Variants in CBL observed in about 807,000 individuals in gnomAD.
CBL encodes the protein E3 ubiquitin-protein ligase CBL.
Under a neutral mutation model 96.9 loss-of-function variants are expected in CBL, and 45 were observed. That is an observed-to-expected ratio of 0.46 (90% CI 0.37 to 0.60). The LOEUF (loss-of-function observed/expected upper bound fraction) is 0.60, where lower values mean the gene tolerates loss of function less well. Among genes scored for constraint, CBL ranks in the 20% least tolerant of loss-of-function variants. The pLI is 0.00. For synonymous variants in CBL, 420 were observed against 426.8 expected (o/e 0.98, Z 0.20); for missense variants, 1,024 against 1,143.5 (o/e 0.90, Z 1.51).
chr11:119,209,521 G>T (rs1949300387), intron 1 of CBL, among the ~76,000 whole-genome samples: 1 of 152,022 alleles, frequency 6.6e-6, no homozygotes, highest in Non-Finnish European at 1.5e-5. Flanking sequence ...TGGGAGACTG[G>T]GACAGGAGAA....
intron 2 of CBL, among the ~76,000 whole-genome samples, chr11:119,244,581 A>ATTATTTTTTTTTTTTTTT (rs1949610902): frequency 9.6e-6 from 1 of 104,404 alleles, no homozygotes; most frequent in East Asian, 3.4e-4. Context: ...TGCCCGGCTA[A>ATTATTTTTTTTTTTTTTT]TTTTTTTTTT....
chr11:119,213,226 A>G (rs1565853742), intron 1 of CBL, among the ~76,000 whole-genome samples: 1 of 152,112 alleles, frequency 6.6e-6, no homozygotes, highest in Non-Finnish European at 1.5e-5. Context: ...AACTTCCTGT[A>G]TTTTGGAAGT....
In CBL at chr11:119,306,648, T is replaced by G. The variant is rs1301793289; in HGVS notation, c.*6867T>G. 6.2e-6 allele frequency: 2 copies of G among 322,676 alleles called. No homozygotes were observed. The highest frequency in any genetic ancestry group is 1.1e-5 in the Non-Finnish European group (2 of 177,180). 20.0% of individuals were successfully genotyped at this position (322,676 alleles called of 1,614,324 possible). On this transcript the variant is annotated 3_prime_UTR_variant, in exon 16 of 16. Coordinates refer to ENST00000264033, the MANE Select transcript of CBL (RefSeq NM_005188.4). ...TAAAACTGGAGAGGCAGAGAACTAC[T>G]TATGAGTCTGTAGACCACGTGTTGT...
chr11:119,207,535 C>G (rs1271387711), intron 1 of CBL, among the ~76,000 whole-genome samples: 1 of 152,134 alleles, frequency 6.6e-6, no homozygotes, highest in Admixed American at 6.5e-5. Flanking sequence ...CAAGTGCGAA[C>G]AAAAATAACT....
chr11:119,250,621 A>G (rs535716680), intron 2 of CBL, among the ~76,000 whole-genome samples: 83 of 152,190 alleles, frequency 5.5e-4, no homozygotes, highest in African/African-American at 1.9e-3. Flanking sequence ...TTCCTTTTTC[A>G]GGGGGTCCCT....
chr11:119,239,165 T>G (rs1949566800), intron 2 of CBL, among the ~76,000 whole-genome samples: 1 of 152,064 alleles, frequency 6.6e-6, no homozygotes, highest in Non-Finnish European at 1.5e-5. Context: ...GACACGAGGT[T>G]TCGTCGTGTT....
At chr11:119,225,526 G>A (rs1311272533) in intron 1 of CBL, among the ~76,000 whole-genome samples, 1 of 151,982 alleles carries the variant, frequency 6.6e-6, no homozygotes, top group Non-Finnish European at 1.5e-5. Context: ...AGCATCCCAA[G>A]TAGTTGGGAC....
At chr11:119,233,289 C>T (rs768158823) in intron 2 of CBL, among the ~76,000 whole-genome samples, 20 of 152,040 alleles carry the variant, frequency 1.3e-4, no homozygotes, top group Non-Finnish European at 2.2e-4. Context: ...CTGGCTCTGT[C>T]GCCCAGGCTG....
chr11:119,269,222 T>TC (rs991928070), intron 2 of CBL, among the ~76,000 whole-genome samples: 9 of 151,118 alleles, frequency 6.0e-5, no homozygotes, highest in African/African-American at 2.2e-4. Flanking sequence ...AAACAGTTAA[T>TC]GGACTTTAAA....
chr11:119,224,536 A>G (rs2135259858), intron 1 of CBL, among the ~76,000 whole-genome samples: 2 of 152,340 alleles, frequency 1.3e-5, no homozygotes, highest in South Asian at 4.1e-4. Flanking sequence ...ACATACATGT[A>G]TTATATCATG....
intron 1 of CBL, among the ~76,000 whole-genome samples, chr11:119,227,071 G>C (rs1014942275): frequency 3.3e-5 from 5 of 152,160 alleles, no homozygotes; most frequent in Non-Finnish European, 5.9e-5. Context: ...CTTTATGATG[G>C]TGCAAAAGTG....
intron 2 of CBL, among the ~76,000 whole-genome samples, chr11:119,260,939 CTTTTTTTT>C (rs35248070): frequency 1.1e-5 from 1 of 89,920 alleles, no homozygotes; most frequent in Admixed American, 1.2e-4. Context: ...TAAATCTCTA[CTTTTTTTT>C]TTTTTTTTTT....
chr11:119,288,533 C>T (rs1368298399), intron 12 of CBL, among the ~76,000 whole-genome samples: 2 of 152,136 alleles, frequency 1.3e-5, no homozygotes, highest in African/African-American at 4.8e-5. Flanking sequence ...TATAAGGACA[C>T]CAATGCTACT....
At chr11:119,270,370 C>T (rs1592396484) in intron 2 of CBL, among the ~76,000 whole-genome samples, 1 of 140,602 alleles carries the variant, frequency 7.1e-6, no homozygotes, top group Non-Finnish European at 1.5e-5. Context: ...TCAGCTCTCC[C>T]AAGTAGCTGA....
intron 2 of CBL, among the ~76,000 whole-genome samples, chr11:119,233,209 C>G (rs1471417418): frequency 6.6e-6 from 1 of 152,100 alleles, no homozygotes; most frequent in African/African-American, 2.4e-5. Context: ...GCAGTTAATT[C>G]AATAAATATT....
At chr11:119,238,567 C>T (rs1393064230) in intron 2 of CBL, among the ~76,000 whole-genome samples, 1 of 152,040 alleles carries the variant, frequency 6.6e-6, no homozygotes, top group African/African-American at 2.4e-5. Context: ...TGGTGGTTCA[C>T]ACCTGTAATG....
At chr11:119,255,350 TC>T (rs1339358968) in intron 2 of CBL, among the ~76,000 whole-genome samples, 3 of 152,058 alleles carry the variant, frequency 2.0e-5, no homozygotes, top group Non-Finnish European at 4.4e-5. Flanking sequence ...AATTTGGTAA[TC>T]CAGGTGAGAT....
At chr11:119,210,066 A>G (rs1949304474) in intron 1 of CBL, among the ~76,000 whole-genome samples, 1 of 152,104 alleles carries the variant, frequency 6.6e-6, no homozygotes, top group South Asian at 2.1e-4. Context: ...AAGTGGAGAG[A>G]AAAGAGAAAA....
chr11:119,279,814 A>AT (rs554870359), intron 9 of CBL, among the ~76,000 whole-genome samples: 106 of 152,290 alleles, frequency 7.0e-4, no homozygotes, highest in Non-Finnish European at 1.2e-3. Context: ...GAATATTTGA[A>AT]TTTTTTACAA....
Sources: gnomAD v4.1 joint callset for allele counts (sites outside exome capture counted in the v4.1 genomes callset) on GRCh38, gnomAD v4.1.1 for gene constraint, MANE v1.5 for transcripts, NCBI Gene and HGNC (gene_info 2026-07-23, HGNC 2026-07-21) for gene names.